CADPS: variants seen among roughly 807,000 people sequenced by gnomAD.
The protein encoded by CADPS is calcium dependent secretion activator.
A neutral mutation model predicts 167.3 loss-of-function variants in CADPS; 57 were observed. That is an observed-to-expected ratio of 0.34 (90% CI 0.28 to 0.42). The LOEUF is 0.42. CADPS is among the 20% of genes least tolerant of loss of function. The pLI is 1.00. For missense variants in CADPS, 1,414 were observed against 1,738.1 expected, an observed-to-expected ratio of 0.81 and a Z score of 3.32; for synonymous variants, 676 against 635.3, an observed-to-expected ratio of 1.06 and a Z score of -0.96.
intron 4 of CADPS, among the ~76,000 whole-genome samples, chr3:62,658,661 G>C (rs566306350): frequency 3.3e-4 from 50 of 152,084 alleles, no homozygotes; most frequent in Admixed American, 1.4e-3. Context: ...TTACTATTGG[G>C]TACATCTGGA....
intron 7 of CADPS, among the ~76,000 whole-genome samples, chr3:62,590,146 G>A (rs1040610672): frequency 2.3e-4 from 35 of 149,170 alleles, no homozygotes; most frequent in Non-Finnish European, 4.3e-4. Flanking sequence ...CCGAGATCAC[G>A]CCACTGTACT....
chr3:62,475,992 G>T lies in CADPS; in HGVS notation c.3330-1672C>A, dbSNP rs565562963. ...ATGCAAAATTAATATGACTGAGAGG[G>T]CTCTGTAGGACCAAAACGCCAGAAA... On this transcript the variant is annotated intron_variant, in intron 23 of 29. Coordinates refer to ENST00000383710, the MANE Select transcript of CADPS (RefSeq NM_003716.4). Among the ~76,000 whole-genome samples, 60 of 152,218 alleles carry T rather than the reference G, an allele frequency of 3.9e-4. 1 individual carries two copies. Among genetic ancestry groups the T allele is most frequent in the African/African-American group, 1.4e-3 (60 of 41,544 alleles).
At chr3:62,653,285 G>A (rs1371845648) in intron 4 of CADPS, among the ~76,000 whole-genome samples, 1 of 152,116 alleles carries the variant, frequency 6.6e-6, no homozygotes, top group Non-Finnish European at 1.5e-5. Flanking sequence ...ACTAGTGCCT[G>A]TATAAAGGAG....
intron 11 of CADPS, among the ~76,000 whole-genome samples, chr3:62,543,907 AT>A (rs1329141309): frequency 6.6e-6 from 1 of 152,100 alleles, no homozygotes; most frequent in African/African-American, 2.4e-5. Context: ...TAAGAGAAAT[AT>A]TTTTCTAAAG....
chr3:62,551,577 C>T (rs947647791), intron 10 of CADPS, among the ~76,000 whole-genome samples: 13 of 152,160 alleles, frequency 8.5e-5, no homozygotes, highest in African/African-American at 2.4e-4. Context: ...AGCAGTTCCA[C>T]GTTCCACTCA....
chr3:62,402,246 G>T (rs182404618), intron 29 of CADPS, among the ~76,000 whole-genome samples: 41 of 134,176 alleles, frequency 3.1e-4, no homozygotes, highest in African/African-American at 1.0e-3. Flanking sequence ...GGGCGGGGGG[G>T]GGGGGTGCCC....
chr3:62,775,302 C>T (rs1200264087), intron 1 of CADPS, among the ~76,000 whole-genome samples: 2 of 151,998 alleles, frequency 1.3e-5, no homozygotes, highest in South Asian at 2.1e-4. Context: ...ATCTGCCTGC[C>T]TCGGCCTCTG....
At position 62,853,807 on chromosome 3, in the gene CADPS, T is replaced by C. The variant is rs189322967; in HGVS notation, c.441+20782A>G. ...AAAACCCTGTCTCTACAAAAAGTACTTAGCCAGGTGTGGTGGTGCGTGCCT... is the reference window on the plus strand; with the variant it reads ...AAAACCCTGTCTCTACAAAAAGTACCTAGCCAGGTGTGGTGGTGCGTGCCT... On this transcript the variant is annotated intron_variant, in intron 1 of 29. Transcript: ENST00000383710. Among the ~76,000 whole-genome samples the C allele has an allele frequency of 3.6e-4, 54 of 150,758 alleles. 1 individual carries two copies. In the East Asian group the frequency reaches 6.8e-3, roughly 19 times the overall value.
Position 62,753,851 on chromosome 3 carries a change from G to A in CADPS, c.556-78C>T. On this transcript the variant is annotated intron_variant, in intron 2 of 29. Coordinates refer to ENST00000383710, the MANE Select transcript of CADPS (RefSeq NM_003716.4). The surrounding 1 kb of genome is among the most constrained non-coding windows in gnomAD (Gnocchi z 4.6). Reference sequence around the variant, plus strand: ...CCAGTTCCCTGGGGCTGGACACTGGGCCAGTCCACCTCACGTGCATCCCAG... The same window carrying A: ...CCAGTTCCCTGGGGCTGGACACTGGACCAGTCCACCTCACGTGCATCCCAG... 1.5e-6 allele frequency: 2 copies of A among 1,369,128 alleles called. No homozygotes were observed. Among genetic ancestry groups the A allele is most frequent in the South Asian group, 1.4e-5 (1 of 71,178 alleles). 84.8% of individuals were successfully genotyped at this position (1,369,128 alleles called of 1,614,324 possible). A position where few individuals can be genotyped will look rare whatever the true frequency, so the allele number is the denominator to read the frequency against.
chr3:62,562,893 G>T (rs1376000860), intron 9 of CADPS, among the ~76,000 whole-genome samples: 1 of 152,200 alleles, frequency 6.6e-6, no homozygotes, highest in Non-Finnish European at 1.5e-5. Flanking sequence ...GCTAACTGAG[G>T]GCCTGTACTG....
At chr3:62,566,543 TATG>T (rs1297923341) in intron 9 of CADPS, among the ~76,000 whole-genome samples, 1 of 152,140 alleles carries the variant, frequency 6.6e-6, no homozygotes, top group Non-Finnish European at 1.5e-5. Context: ...TTTTTTTCTT[TATG>T]ATATTGATAA....
rs145197088 is a variant in CADPS at position 62,718,524 on chromosome 3, T to C, written c.888+34917A>G. On this transcript the variant is annotated intron_variant, in intron 3 of 29. Coordinates refer to ENST00000383710, the MANE Select transcript of CADPS (RefSeq NM_003716.4). ...TCTTCTGTAGCATAGCCAGGTGGTA[T>C]TCCTAGAATGCCAGTTGGAGAATCC... Among the ~76,000 whole-genome samples the C allele has an allele frequency of 2.1e-3, 326 of 152,302 alleles. 3 individuals carry two copies. The highest frequency in any genetic ancestry group is 7.6e-3 in the African/African-American group (318 of 41,582).
At chr3:62,607,268 C>T (rs1343186517) in intron 6 of CADPS, among the ~76,000 whole-genome samples, 1 of 152,212 alleles carries the variant, frequency 6.6e-6, no homozygotes, top group African/African-American at 2.4e-5. Context: ...TCAAATTAAG[C>T]AGGATCTACC....
At chr3:62,636,148 T>C (rs947870107) in intron 6 of CADPS, among the ~76,000 whole-genome samples, 11 of 152,152 alleles carry the variant, frequency 7.2e-5, no homozygotes, top group Non-Finnish European at 1.6e-4. Context: ...TATGTTAAAT[T>C]TGAAATGTTA....
intron 1 of CADPS, among the ~76,000 whole-genome samples, chr3:62,852,276 G>A (rs889096530): frequency 1.3e-5 from 2 of 151,790 alleles, no homozygotes; most frequent in Admixed American, 6.6e-5. Context: ...CTCTCAGCTC[G>A]TCAAAATCAT....
At chr3:62,697,484 A>AATTT (rs2080543111) in intron 3 of CADPS, among the ~76,000 whole-genome samples, 1 of 151,986 alleles carries the variant, frequency 6.6e-6, no homozygotes, top group Non-Finnish European at 1.5e-5. Flanking sequence ...TATATACCAC[A>AATTT]ATTTATTTAT....
intron 28 of CADPS, among the ~76,000 whole-genome samples, chr3:62,422,457 CCT>C (rs2051633246): frequency 6.6e-6 from 1 of 152,198 alleles, no homozygotes; most frequent in Non-Finnish European, 1.5e-5. Context: ...AAAACAACTC[CCT>C]TTTTTTCTTT....
intron 3 of CADPS, among the ~76,000 whole-genome samples, chr3:62,675,260 T>C (rs1450846632): frequency 6.7e-6 from 1 of 149,226 alleles, no homozygotes; most frequent in African/African-American, 2.5e-5. Flanking sequence ...CAAAGAAAGT[T>C]AGAAAATGAA....
At chr3:62,806,228 A>G (rs1238891107) in intron 1 of CADPS, among the ~76,000 whole-genome samples, 1 of 152,130 alleles carries the variant, frequency 6.6e-6, no homozygotes, top group African/African-American at 2.4e-5. Flanking sequence ...CCAAATAGCT[A>G]AAGTAATTAC....
Sources: allele counts gnomAD v4.1 joint callset (sites outside exome capture counted in the v4.1 genomes callset), GRCh38; gene constraint gnomAD v4.1.1; non-coding constraint Gnocchi (gnomAD v3.1); transcripts MANE v1.5; gene names NCBI Gene and HGNC (gene_info 2026-07-23, HGNC 2026-07-21).